AK5: variants seen among roughly 807,000 people sequenced by gnomAD.
AK5 encodes adenylate kinase 5.
A neutral mutation model predicts 69.5 loss-of-function variants in AK5; 27 were observed. The observed-to-expected ratio is 0.39, with a 90% confidence interval of 0.29 to 0.54. AK5 has a LOEUF of 0.54. AK5 is among the 20% of genes least tolerant of loss of function. AK5 has a pLI of 0.71. For synonymous variants in AK5, 260 were observed against 244.4 expected (o/e 1.06, Z -0.60); for missense variants, 531 against 700.4 (o/e 0.76, Z 2.73).
At position 77,549,029 on chromosome 1, in the gene AK5, C is replaced by T. The variant is rs559080758; in HGVS notation, c.1621-9573C>T. Among the ~76,000 whole-genome samples, 15 of 151,654 alleles carry T rather than the reference C, an allele frequency of 9.9e-5. No homozygotes were observed. In the East Asian group the frequency reaches 2.9e-3, roughly 29 times the overall value. On this transcript the variant is annotated intron_variant, in intron 13 of 13. Coordinates refer to ENST00000354567, the MANE Select transcript of AK5 (RefSeq NM_174858.3). ...TAGCAGGAATTACAGGTACCTGCCACCACACCCGTCTACTTTTTGTATTTT... is the reference window on the plus strand; with the variant it reads ...TAGCAGGAATTACAGGTACCTGCCATCACACCCGTCTACTTTTTGTATTTT...
chr1:77,407,241 G>C (rs2100561657), intron 6 of AK5, among the ~76,000 whole-genome samples: 1 of 152,260 alleles, frequency 6.6e-6, no homozygotes, highest in South Asian at 2.1e-4. Flanking sequence ...CAGACATTTA[G>C]AGTTGAAAAC....
chr1:77,492,328 A>G (rs778028969), intron 10 of AK5, among the ~76,000 whole-genome samples: 5 of 152,212 alleles, frequency 3.3e-5, no homozygotes, highest in Non-Finnish European at 7.3e-5. Context: ...ATGGTAATGA[A>G]GCACACAACT....
Position 77,470,856 on chromosome 1 carries a change from TATATATATATA to T in AK5, c.1060-12460_1060-12450del, listed in dbSNP as rs1654443946. Among the ~76,000 whole-genome samples, 75 of 20,402 alleles carry T rather than the reference TATATATATATA, an allele frequency of 3.7e-3. 8 individuals carry two copies. The highest frequency in any genetic ancestry group is 9.8e-3 in the African/African-American group (42 of 4,296). The allele number at this position is 20,402 out of a possible 152,430, so 13.4% of individuals were successfully genotyped here. ...ATATATATATATATATATATATATA[TATATATATATA>T]TATATATATTTTTTTTTTTTTTTTT... On this transcript the variant is annotated intron_variant, in intron 8 of 13. Transcript: ENST00000354567.
intron 10 of AK5, among the ~76,000 whole-genome samples, chr1:77,503,446 G>A (rs965248776): frequency 1.3e-5 from 2 of 152,148 alleles, no homozygotes; most frequent in Non-Finnish European, 2.9e-5. Context: ...GTATTATTCA[G>A]TTTTTTCCAT....
At chr1:77,388,657 AC>A (rs1335996645) in intron 6 of AK5, among the ~76,000 whole-genome samples, 2 of 152,076 alleles carry the variant, frequency 1.3e-5, no homozygotes, top group Admixed American at 1.3e-4. Context: ...TGGGAGAAAT[AC>A]CTTTAAAATG....
intron 5 of AK5, among the ~76,000 whole-genome samples, chr1:77,334,393 A>G (rs903130332): frequency 1.3e-5 from 2 of 152,028 alleles, no homozygotes; most frequent in African/African-American, 4.8e-5. Flanking sequence ...TGGTCTGTCT[A>G]GGTTTTCAGT....
chr1:77,486,442 T>C (rs1198219988), intron 10 of AK5, 90 bp downstream of exon 10: 2 of 926,270 alleles, frequency 2.2e-6, no homozygotes, highest in South Asian at 1.5e-5. Context: ...ACACCTGTAA[T>C]CCCAGCACTG....
At chr1:77,496,034 A>C (rs1656294183) in intron 10 of AK5, among the ~76,000 whole-genome samples, 2 of 152,250 alleles carry the variant, frequency 1.3e-5, no homozygotes, top group African/African-American at 4.8e-5. Context: ...CCCAGTCTAA[A>C]GGAGCTCATG....
intron 8 of AK5, among the ~76,000 whole-genome samples, chr1:77,463,393 A>T (rs1209963406): frequency 6.6e-6 from 1 of 152,168 alleles, no homozygotes; most frequent in Admixed American, 6.5e-5. Context: ...CATCTACTAA[A>T]TGTCAGGCAC....
At chr1:77,497,192 C>T (rs1656383764) in intron 10 of AK5, among the ~76,000 whole-genome samples, 1 of 152,170 alleles carries the variant, frequency 6.6e-6, no homozygotes, top group African/African-American at 2.4e-5. Context: ...GGACGTGCCA[C>T]CCTTAAGAGC....
At chr1:77,367,854 A>T (rs372839969) in intron 6 of AK5, among the ~76,000 whole-genome samples, 64 of 2,210 alleles carry the variant, frequency 0.029, 4 homozygotes, top group Non-Finnish European at 0.039. Context: ...TATTATATAT[A>T]ATATATAATA....
intron 8 of AK5, among the ~76,000 whole-genome samples, chr1:77,482,195 A>G (rs543313176): frequency 6.6e-6 from 1 of 152,376 alleles, no homozygotes; most frequent in African/African-American, 2.4e-5. Context: ...GTTTGCCTCA[A>G]GAAAAATCTG....
chr1:77,499,870 A>ATTTTTTTTTTTTTT (rs1178365313), intron 10 of AK5, among the ~76,000 whole-genome samples: 1 of 50,452 alleles, frequency 2.0e-5, no homozygotes, highest in African/African-American at 1.1e-4. Flanking sequence ...CCCTTTTTCC[A>ATTTTTTTTTTTTTT]TTTTTTTTTT....
chr1:77,470,040 A>G (rs1181691925), intron 8 of AK5, among the ~76,000 whole-genome samples: 3 of 152,238 alleles, frequency 2.0e-5, no homozygotes, highest in African/African-American at 7.2e-5. Flanking sequence ...AACTTCCAAT[A>G]TGCCTTTTTC....
intron 8 of AK5, among the ~76,000 whole-genome samples, chr1:77,463,104 A>ATT (rs1356533532): frequency 2.6e-5 from 4 of 152,222 alleles, no homozygotes; most frequent in African/African-American, 9.6e-5. Flanking sequence ...AAATTATAGA[A>ATT]TTTATAGACG....
chr1:77,289,767 G>T (rs1430576380), intron 2 of AK5, among the ~76,000 whole-genome samples: 2 of 150,072 alleles, frequency 1.3e-5, no homozygotes, highest in Non-Finnish European at 2.9e-5. Flanking sequence ...GGAGGCTGAG[G>T]CAGGAGAATG....
At chr1:77,348,419 T>A (rs1250049053) in intron 6 of AK5, among the ~76,000 whole-genome samples, 1 of 152,216 alleles carries the variant, frequency 6.6e-6, no homozygotes, top group Non-Finnish European at 1.5e-5. Context: ...GAACTCATCA[T>A]TTTTTATGGC....
At chr1:77,553,910 G>A (rs1659942702) in intron 13 of AK5, among the ~76,000 whole-genome samples, 2 of 152,088 alleles carry the variant, frequency 1.3e-5, no homozygotes, top group African/African-American at 4.8e-5. Context: ...AAGAGATGAG[G>A]AAGGCAGACA....
At chr1:77,554,685 C>A (rs1352795598) in intron 13 of AK5, among the ~76,000 whole-genome samples, 2 of 151,938 alleles carry the variant, frequency 1.3e-5, no homozygotes, top group African/African-American at 2.4e-5. Context: ...AGCTCACTGT[C>A]AGCTCCACCT....
Sources: allele counts gnomAD v4.1 joint callset (sites outside exome capture counted in the v4.1 genomes callset), GRCh38; gene constraint gnomAD v4.1.1; transcripts MANE v1.5; gene names NCBI Gene and HGNC (gene_info 2026-07-23, HGNC 2026-07-21).